FMN2: variants seen among roughly 807,000 people sequenced by gnomAD.
FMN2 encodes formin-2.
Under a neutral mutation model 142.3 loss-of-function variants are expected in FMN2, and 51 were observed. That is an observed-to-expected ratio of 0.36 (90% CI 0.29 to 0.45). FMN2 has a LOEUF of 0.45. Ranked by LOEUF, FMN2 falls within the 20% of genes least tolerant of loss-of-function variation. The pLI, the probability that FMN2 is intolerant of heterozygous loss-of-function variation, is 1.00. For missense variants in FMN2, 1,936 were observed against 2,122.8 expected (o/e 0.91, Z 1.73); for synonymous variants, 882 against 869.8 (o/e 1.01, Z -0.25).
At chr1:240,206,425 A>G (rs1417780181) in intron 4 of FMN2, among the ~76,000 whole-genome samples, 1 of 152,154 alleles carries the variant, frequency 6.6e-6, no homozygotes, top group African/African-American at 2.4e-5. Context: ...AAAATTCGGG[A>G]TTACCTTTAA....
At chr1:240,367,713 A>AGC (rs1572237357) in intron 14 of FMN2, among the ~76,000 whole-genome samples, 1 of 144,238 alleles carries the variant, frequency 6.9e-6, no homozygotes, top group Non-Finnish European at 1.5e-5. Context: ...GGTTGCAGTG[A>AGC]GCCGAGATCA....
At chr1:240,218,154 G>A (rs1323377076) in intron 6 of FMN2, among the ~76,000 whole-genome samples, 1 of 151,928 alleles carries the variant, frequency 6.6e-6, no homozygotes, top group Non-Finnish European at 1.5e-5. Flanking sequence ...GTGATGGCAT[G>A]CGCCTGTAGT....
At chr1:240,349,079 A>G (rs1055893143) in intron 13 of FMN2, among the ~76,000 whole-genome samples, 2 of 152,170 alleles carry the variant, frequency 1.3e-5, no homozygotes, top group Non-Finnish European at 2.9e-5. Flanking sequence ...ACTGTGCCAT[A>G]TATAGCATGC....
intron 15 of FMN2, among the ~76,000 whole-genome samples, chr1:240,422,472 G>A (rs897459106): frequency 2.0e-5 from 3 of 152,110 alleles, no homozygotes; most frequent in South Asian, 2.1e-4. Flanking sequence ...TACACATTTT[G>A]TTAGGTTTAT....
At chr1:240,328,964 ATATAGCG>A in intron 8 of FMN2, 105 bp from the exon 9 acceptor site, 1 of 871,898 alleles carries the variant, frequency 1.1e-6, no homozygotes, top group South Asian at 1.7e-5. Flanking sequence ...ACATGAAAAT[ATATAGCG>A]TTTCGCTGTA....
At chr1:240,379,394 A>G (rs1472795321) in intron 14 of FMN2, among the ~76,000 whole-genome samples, 1 of 151,788 alleles carries the variant, frequency 6.6e-6, no homozygotes, top group Admixed American at 6.6e-5. Flanking sequence ...GCCACTTAAT[A>G]CCCAGCTAAA....
chr1:240,407,287 G>A (rs1674243129), intron 15 of FMN2, among the ~76,000 whole-genome samples: 1 of 152,062 alleles, frequency 6.6e-6, no homozygotes, highest in Non-Finnish European at 1.5e-5. Flanking sequence ...ACAGGCGCGC[G>A]CCACTGCACC....
At chr1:240,124,314 G>T (rs1662412861) in intron 2 of FMN2, among the ~76,000 whole-genome samples, 1 of 152,062 alleles carries the variant, frequency 6.6e-6, no homozygotes. Flanking sequence ...GGTTTCCATG[G>T]GCCCTACGAT....
At chr1:240,382,029 G>A (rs1477624472) in intron 14 of FMN2, among the ~76,000 whole-genome samples, 4 of 152,152 alleles carry the variant, frequency 2.6e-5, no homozygotes, top group Non-Finnish European at 4.4e-5. Context: ...GAAGAAGTCA[G>A]ATTATCTCTC....
intron 6 of FMN2, among the ~76,000 whole-genome samples, chr1:240,222,111 G>A (rs754331824): frequency 1.3e-5 from 2 of 149,758 alleles, no homozygotes; most frequent in African/African-American, 2.5e-5. Context: ...CACCTGCCTC[G>A]GCAGGTTTTA....
At chr1:240,285,134 G>C in intron 7 of FMN2, 1 of 435,676 alleles carries the variant, frequency 2.3e-6, no homozygotes. Flanking sequence ...AATTAGGAGG[G>C]TGTTGCAAGA....
chr1:240,330,849 C>G, intron 11 of FMN2, 100 bp downstream of exon 11: 1 of 1,397,420 alleles, frequency 7.2e-7, no homozygotes, highest in Non-Finnish European at 9.6e-7. Flanking sequence ...TATTTATGTT[C>G]CTAGGTCAAA....
chr1:240,320,264 AC>A (rs1438520890), intron 8 of FMN2, among the ~76,000 whole-genome samples: 1 of 152,148 alleles, frequency 6.6e-6, no homozygotes, highest in African/African-American at 2.4e-5. Context: ...AGTGAAAAAG[AC>A]TGGGGGAGAG....
intron 7 of FMN2, among the ~76,000 whole-genome samples, chr1:240,294,416 C>T (rs533515709): frequency 6.6e-6 from 1 of 152,268 alleles, no homozygotes; most frequent in South Asian, 2.1e-4. Context: ...GATTAAATTT[C>T]ACCTTTGTCA....
intron 6 of FMN2, among the ~76,000 whole-genome samples, chr1:240,227,386 C>T (rs1315128726): frequency 6.6e-6 from 1 of 152,026 alleles, no homozygotes; most frequent in Admixed American, 6.5e-5. Context: ...CCTACAGATT[C>T]AACACAGTGT....
At chr1:240,241,654 T>C (rs993557571) in intron 6 of FMN2, among the ~76,000 whole-genome samples, 3 of 152,130 alleles carry the variant, frequency 2.0e-5, no homozygotes, top group African/African-American at 7.2e-5. Flanking sequence ...GCTGGGACAT[T>C]TAATTACTCT....
chr1:240,347,511 C>T (rs920426521), intron 13 of FMN2, among the ~76,000 whole-genome samples: 1 of 152,144 alleles, frequency 6.6e-6, no homozygotes, highest in Non-Finnish European at 1.5e-5. Flanking sequence ...TGAGCCTTGT[C>T]GTGGAGATTA....
chr1:240,389,946 T>G (rs1673550593), intron 14 of FMN2, among the ~76,000 whole-genome samples: 1 of 152,180 alleles, frequency 6.6e-6, no homozygotes, highest in Admixed American at 6.5e-5. Context: ...AGTGAGACCC[T>G]GTCTCAAAAA....
At chr1:240,393,964 G>A (rs1673693636) in intron 15 of FMN2, among the ~76,000 whole-genome samples, 1 of 152,120 alleles carries the variant, frequency 6.6e-6, no homozygotes, top group Non-Finnish European at 1.5e-5. Context: ...CAGCCGAGGC[G>A]ATGGGAGCTC....
Sources: allele counts gnomAD v4.1 joint callset (sites outside exome capture counted in the v4.1 genomes callset), GRCh38; gene constraint gnomAD v4.1.1; transcripts MANE v1.5; gene names NCBI Gene and HGNC (gene_info 2026-07-23, HGNC 2026-07-21).